Variants in GABRG3 observed in about 807,000 individuals in gnomAD.
GABRG3 encodes the protein gamma-aminobutyric acid receptor subunit gamma-3.
A neutral mutation model predicts 48.8 loss-of-function variants in GABRG3; 25 were observed. That is an observed-to-expected ratio of 0.51 (90% CI 0.37 to 0.72). The LOEUF is 0.72. Ranked by LOEUF, GABRG3 falls within the 30% of genes least tolerant of loss-of-function variation. The probability of loss-of-function intolerance (pLI) is 0.00; values close to 1 mark genes in which losing one functional copy is unlikely to be tolerated. For missense variants in GABRG3, 394 were observed against 577.9 expected (o/e 0.68, Z 3.26); for synonymous variants, 227 against 217.6 (o/e 1.04, Z -0.38).
chr15:27,175,105 G>C (rs930151378), intron 3 of GABRG3, among the ~76,000 whole-genome samples: 1 of 152,118 alleles, frequency 6.6e-6, no homozygotes. Context: ...GCTGTTGTGA[G>C]GTCTCCCTGG....
At chr15:27,040,900 G>A (rs1303889778) in intron 3 of GABRG3, among the ~76,000 whole-genome samples, 2 of 152,118 alleles carry the variant, frequency 1.3e-5, no homozygotes, top group African/African-American at 4.8e-5. Context: ...TGTTCTGAAC[G>A]ACTCTATCAT....
intron 3 of GABRG3, among the ~76,000 whole-genome samples, chr15:27,168,774 A>T (rs1887466159): frequency 6.6e-6 from 1 of 152,218 alleles, no homozygotes; most frequent in African/African-American, 2.4e-5. Flanking sequence ...ATCTGCTGGT[A>T]TCTTGATCTT....
At chr15:27,489,054 G>C (rs988574199) in intron 6 of GABRG3, among the ~76,000 whole-genome samples, 1 of 151,364 alleles carries the variant, frequency 6.6e-6, no homozygotes, top group African/African-American at 2.4e-5. Flanking sequence ...ACAGGCTCTG[G>C]TGTGTGATGT....
chr15:27,475,937 G>C (rs767177799), intron 5 of GABRG3, among the ~76,000 whole-genome samples: 1 of 152,136 alleles, frequency 6.6e-6, no homozygotes, highest in Non-Finnish European at 1.5e-5. Context: ...GATGACAAAG[G>C]TAGGAAGAAG....
chr15:27,492,232 A>G (rs1890373803), intron 6 of GABRG3, among the ~76,000 whole-genome samples: 1 of 152,196 alleles, frequency 6.6e-6, no homozygotes. Context: ...CTTAGAATTC[A>G]TCACAGCTCT....
intron 3 of GABRG3, among the ~76,000 whole-genome samples, chr15:27,287,795 G>C (rs1359516821): frequency 6.8e-6 from 1 of 146,666 alleles, no homozygotes; most frequent in Non-Finnish European, 1.5e-5. Context: ...CTGGAGTGCA[G>C]TGGCGCGATC....
At chr15:27,385,468 G>A (rs759578826) in intron 5 of GABRG3, among the ~76,000 whole-genome samples, 11 of 151,686 alleles carry the variant, frequency 7.3e-5, no homozygotes, top group Non-Finnish European at 1.5e-4. Context: ...TCTCTCCTTC[G>A]CGTCTCTCCT....
chr15:26,978,467 T>C (rs1348953591), intron 2 of GABRG3, among the ~76,000 whole-genome samples: 1 of 152,182 alleles, frequency 6.6e-6, no homozygotes, highest in Non-Finnish European at 1.5e-5. Context: ...ATCCTTTACA[T>C]TTTAATTTGT....
intron 2 of GABRG3, among the ~76,000 whole-genome samples, chr15:26,986,194 T>C (rs972952603): frequency 2.0e-5 from 3 of 152,196 alleles, no homozygotes; most frequent in African/African-American, 7.2e-5. Flanking sequence ...AATTACTGTA[T>C]ATCCAGAAAA....
chr15:27,332,103 A>T (rs1355753960), intron 5 of GABRG3, among the ~76,000 whole-genome samples: 1 of 152,250 alleles, frequency 6.6e-6, no homozygotes, highest in Non-Finnish European at 1.5e-5. Flanking sequence ...GAAAACACTC[A>T]TTGGTAATTT....
intron 6 of GABRG3, among the ~76,000 whole-genome samples, chr15:27,483,660 T>G (rs1890151131): frequency 6.6e-6 from 1 of 152,164 alleles, no homozygotes; most frequent in Non-Finnish European, 1.5e-5. Context: ...CCCCTCTGGG[T>G]GAATCTGATG....
intron 3 of GABRG3, among the ~76,000 whole-genome samples, chr15:27,266,146 C>T (rs1197456611): frequency 6.6e-6 from 1 of 151,908 alleles, no homozygotes; most frequent in Non-Finnish European, 1.5e-5. Context: ...TCCCAAAGTG[C>T]TGGGATTACA....
At chr15:27,484,601 T>C (rs1291058193) in intron 6 of GABRG3, among the ~76,000 whole-genome samples, 2 of 152,184 alleles carry the variant, frequency 1.3e-5, no homozygotes, top group Non-Finnish European at 2.9e-5. Context: ...TCTTGGTTTC[T>C]AATATCATTC....
At chr15:27,255,397 A>G (rs144304736) in intron 3 of GABRG3, among the ~76,000 whole-genome samples, 3 of 152,304 alleles carry the variant, frequency 2.0e-5, no homozygotes, top group Non-Finnish European at 4.4e-5. Flanking sequence ...TGCCAATTCT[A>G]TAGGACCCAG....
At chr15:27,209,222 A>G (rs539741158) in intron 3 of GABRG3, among the ~76,000 whole-genome samples, 11 of 152,326 alleles carry the variant, frequency 7.2e-5, no homozygotes, top group Admixed American at 3.9e-4. Flanking sequence ...CATCCAAAGA[A>G]GGAGTTCAGG....
intron 5 of GABRG3, among the ~76,000 whole-genome samples, chr15:27,353,413 GTTTTC>G (rs1290244572): frequency 1.5e-5 from 2 of 135,588 alleles, no homozygotes; most frequent in Non-Finnish European, 3.2e-5. Flanking sequence ...TGTGTGCATA[GTTTTC>G]TTTCTTTCTA....
chr15:27,144,285 A>G (rs1237321144), intron 3 of GABRG3, among the ~76,000 whole-genome samples: 2 of 152,150 alleles, frequency 1.3e-5, no homozygotes, highest in Non-Finnish European at 2.9e-5. Flanking sequence ...ATCCTTGAAA[A>G]CCAGCAGCCC....
At chr15:27,349,615 G>A (rs918061553) in intron 5 of GABRG3, among the ~76,000 whole-genome samples, 1 of 152,208 alleles carries the variant, frequency 6.6e-6, no homozygotes, top group Non-Finnish European at 1.5e-5. Flanking sequence ...AAGAGAACAT[G>A]CTCGCCAAGC....
intron 3 of GABRG3, among the ~76,000 whole-genome samples, chr15:27,169,032 A>G (rs1027306099): frequency 6.6e-6 from 1 of 152,236 alleles, no homozygotes; most frequent in Non-Finnish European, 1.5e-5. Flanking sequence ...CACAATAGGC[A>G]TGTGGGCCAA....
Sources: gnomAD v4.1 joint callset for allele counts (sites outside exome capture counted in the v4.1 genomes callset) on GRCh38, gnomAD v4.1.1 for gene constraint, MANE v1.5 for transcripts, NCBI Gene and HGNC (gene_info 2026-07-23, HGNC 2026-07-21) for gene names.